The following NFATC3 variants were observed in gnomAD, a reference collection of about 807,000 sequenced individuals.
NFATC3 encodes nuclear factor of activated T cells 3.
A neutral mutation model predicts 98.6 loss-of-function variants in NFATC3; 46 were observed. The ratio of observed to expected loss-of-function variants is 0.47; its 90% CI spans 0.37 to 0.60. NFATC3 has a LOEUF of 0.60. NFATC3 is among the 20% of genes least tolerant of loss of function. The pLI is 0.00. For synonymous variants in NFATC3, 512 were observed against 472.2 expected (o/e 1.08, Z -1.09); for missense variants, 1,256 against 1,295.5 (o/e 0.97, Z 0.47).
chr16:68,112,268 C>CTTTTTTTTTTTT (rs768228927), intron 1 of NFATC3, among the ~76,000 whole-genome samples: 3 of 77,424 alleles, frequency 3.9e-5, no homozygotes, highest in African/African-American at 1.6e-4. Context: ...TAGGTTCAGT[C>CTTTTTTTTTTTT]TTTTTTTTTT....
intron 1 of NFATC3, among the ~76,000 whole-genome samples, chr16:68,115,274 G>T (rs1372091893): frequency 6.6e-6 from 1 of 151,984 alleles, no homozygotes; most frequent in East Asian, 1.9e-4. Context: ...ATGTTGTCCA[G>T]GCTGGTCTCG....
At chr16:68,147,459 T>G (rs1211278910) in intron 3 of NFATC3, among the ~76,000 whole-genome samples, 1 of 152,198 alleles carries the variant, frequency 6.6e-6, no homozygotes, top group East Asian at 1.9e-4. Context: ...TACTCTGTTA[T>G]TCTAAAATTT....
chr16:68,202,724 A>ATCGC (rs1471022446), intron 9 of NFATC3, among the ~76,000 whole-genome samples: 17 of 152,176 alleles, frequency 1.1e-4, no homozygotes, highest in Non-Finnish European at 1.5e-5. Flanking sequence ...AGGCAGGAGA[A>ATCGC]TCGCTTGAAC....
At chr16:68,140,978 C>CG (rs2037721151) in intron 3 of NFATC3, among the ~76,000 whole-genome samples, 1 of 152,100 alleles carries the variant, frequency 6.6e-6, no homozygotes, top group East Asian at 1.9e-4. Context: ...CTACAATATC[C>CG]ATTATACCAC....
At chr16:68,164,208 C>T (rs1277495514) in intron 4 of NFATC3, among the ~76,000 whole-genome samples, 4 of 152,188 alleles carry the variant, frequency 2.6e-5, no homozygotes, top group Admixed American at 1.3e-4. Context: ...GAGACCAGCC[C>T]GGCCAACACA....
chr16:68,127,145 A>T (rs1172991342), intron 3 of NFATC3, among the ~76,000 whole-genome samples: 1 of 152,076 alleles, frequency 6.6e-6, no homozygotes, highest in Non-Finnish European at 1.5e-5. Flanking sequence ...CCCGGGAGGC[A>T]GAGGTTGCAG....
intron 5 of NFATC3, among the ~76,000 whole-genome samples, chr16:68,168,281 G>C (rs1248261039): frequency 6.6e-6 from 1 of 151,920 alleles, no homozygotes; most frequent in African/African-American, 2.4e-5. Flanking sequence ...TCCTGCCTCA[G>C]CCTCCTGAGT....
At chr16:68,203,712 A>G (rs1333383896) in intron 9 of NFATC3, among the ~76,000 whole-genome samples, 2 of 152,308 alleles carry the variant, frequency 1.3e-5, no homozygotes, top group East Asian at 1.9e-4. Flanking sequence ...CTAAAGCAGC[A>G]TATCAGAAGT....
At chr16:68,222,303 A>G (rs2041897815) in intron 9 of NFATC3, among the ~76,000 whole-genome samples, 1 of 122,756 alleles carries the variant, frequency 8.1e-6, no homozygotes, top group Non-Finnish European at 1.7e-5. Context: ...AAAAAAAAAA[A>G]AAAAAAAAAA....
At chr16:68,136,072 A>G (rs1012645666) in intron 3 of NFATC3, among the ~76,000 whole-genome samples, 15 of 152,200 alleles carry the variant, frequency 9.9e-5, no homozygotes, top group African/African-American at 3.6e-4. Flanking sequence ...TCTCAAAAAA[A>G]AAGAAGAAAG....
intron 9 of NFATC3, among the ~76,000 whole-genome samples, chr16:68,210,194 A>G (rs867101156): frequency 4.0e-5 from 6 of 151,570 alleles, no homozygotes; most frequent in South Asian, 4.2e-4. Context: ...GCTACTCGGG[A>G]GGCTGAGGCA....
At chr16:68,142,060 G>A (rs2037778417) in intron 3 of NFATC3, among the ~76,000 whole-genome samples, 1 of 152,038 alleles carries the variant, frequency 6.6e-6, no homozygotes, top group Admixed American at 6.6e-5. Flanking sequence ...ATTGAATAGG[G>A]TATCCTTTTT....
At chr16:68,167,807 G>GTTTTTTTTTTTT (rs1263970399) in intron 5 of NFATC3, among the ~76,000 whole-genome samples, 1 of 23,588 alleles carries the variant, frequency 4.2e-5, no homozygotes, top group African/African-American at 1.1e-4. Context: ...AACCGTATGT[G>GTTTTTTTTTTTT]TTCTTTTTTT....
chr16:68,212,096 A>G (rs2041430078), intron 9 of NFATC3, among the ~76,000 whole-genome samples: 1 of 152,148 alleles, frequency 6.6e-6, no homozygotes, highest in African/African-American at 2.4e-5. Flanking sequence ...TCTGTTTTGG[A>G]GGATTCAGTT....
At chr16:68,171,136 T>C (rs1285515437) in intron 5 of NFATC3, among the ~76,000 whole-genome samples, 1 of 152,092 alleles carries the variant, frequency 6.6e-6, no homozygotes, top group African/African-American at 2.4e-5. Context: ...GCCTCCCGAA[T>C]AGCTGTGATT....
At chr16:68,158,660 A>C (rs901591946) in intron 4 of NFATC3, among the ~76,000 whole-genome samples, 1 of 152,146 alleles carries the variant, frequency 6.6e-6, no homozygotes. Flanking sequence ...GCCCCAAGCA[A>C]GTTTTTTCTT....
chr16:68,228,073 G>A lies in NFATC3; in HGVS notation c.*1602G>A, dbSNP rs1483450598. The A allele has an allele frequency of 6.6e-6, 1 of 152,090 alleles. No homozygotes were observed. The highest frequency in any genetic ancestry group is 1.5e-5 in the Non-Finnish European group (1 of 68,038). 9.4% of individuals were successfully genotyped at this position (152,090 alleles called of 1,614,324 possible). On this transcript the variant is annotated 3_prime_UTR_variant, in exon 10 of 10. Coordinates refer to ENST00000346183, the MANE Select transcript of NFATC3 (RefSeq NM_173165.3). Reference sequence around the variant, plus strand: ...GTCTGGGAAAGGGAGCTGGCCTATTGCCCACCACCTGTTGTCAGTAGGTTA... The same window carrying A: ...GTCTGGGAAAGGGAGCTGGCCTATTACCCACCACCTGTTGTCAGTAGGTTA...
intron 1 of NFATC3, among the ~76,000 whole-genome samples, chr16:68,098,884 G>C (rs2035187320): frequency 6.6e-6 from 1 of 151,982 alleles, no homozygotes; most frequent in African/African-American, 2.4e-5. Context: ...TTTTTATTTT[G>C]AAATAATTAA....
chr16:68,215,009 T>C (rs143783655), intron 9 of NFATC3, among the ~76,000 whole-genome samples: 67 of 152,330 alleles, frequency 4.4e-4, no homozygotes, highest in African/African-American at 1.6e-3. Flanking sequence ...TGTTCCTTGC[T>C]GTCATGTTGG....
Sources: allele counts gnomAD v4.1 joint callset (sites outside exome capture counted in the v4.1 genomes callset), GRCh38; gene constraint gnomAD v4.1.1; transcripts MANE v1.5; gene names NCBI Gene and HGNC (gene_info 2026-07-23, HGNC 2026-07-21).